CSMD1: variants seen among roughly 807,000 people sequenced by gnomAD.
CSMD1 encodes the protein CUB and Sushi multiple domains 1.
Under a neutral mutation model 417.5 loss-of-function variants are expected in CSMD1, and 213 were observed. The ratio of observed to expected loss-of-function variants is 0.51; its 90% CI spans 0.46 to 0.57. The LOEUF (loss-of-function observed/expected upper bound fraction) is 0.57, where lower values mean the gene tolerates loss of function less well. Among genes scored for constraint, CSMD1 ranks in the 20% least tolerant of loss-of-function variants. CSMD1 has a pLI of 0.00. For synonymous variants in CSMD1, 2,862 were observed against 1,736.8 expected, an observed-to-expected ratio of 1.65 and a Z score of -16.11; for missense variants, 6,923 against 4,529.7, an observed-to-expected ratio of 1.53 and a Z score of -15.17.
intron 2 of CSMD1, among the ~76,000 whole-genome samples, chr8:4,484,447 T>C (rs1192667063): frequency 1.3e-5 from 2 of 152,108 alleles, no homozygotes; most frequent in South Asian, 2.1e-4. Flanking sequence ...TTTCCTTCTT[T>C]ATTTCAGTCA....
intron 4 of CSMD1, among the ~76,000 whole-genome samples, chr8:4,026,499 A>C (rs1403670678): frequency 1.3e-5 from 2 of 152,186 alleles, no homozygotes; most frequent in Non-Finnish European, 2.9e-5. Flanking sequence ...TTAAGAAGAA[A>C]ACCACTGGAG....
At chr8:4,803,935 T>C (rs982282664) in intron 1 of CSMD1, among the ~76,000 whole-genome samples, 2 of 152,180 alleles carry the variant, frequency 1.3e-5, no homozygotes, top group African/African-American at 4.8e-5. Context: ...ATAAATACGA[T>C]GGGCATTCAT....
chr8:3,369,832 C>T (rs151270091), intron 18 of CSMD1, among the ~76,000 whole-genome samples: 7 of 152,312 alleles, frequency 4.6e-5, no homozygotes, highest in African/African-American at 1.7e-4. Flanking sequence ...AGGATGTCTG[C>T]AGAATATGGG....
In CSMD1 at chr8:3,916,024, G is replaced by A. The variant is rs368919694; in HGVS notation, c.818+81879C>T. ...ATGCAATTAGTTGGAAAATGTCACT[G>A]CAGACACAAGACAAATGGGTAACAT... is the stretch of plus-strand genomic sequence containing the variant. On this transcript the variant is annotated intron_variant, in intron 5 of 69. Transcript: ENST00000635120. 3.3e-5 allele frequency among the ~76,000 whole-genome samples: 5 copies of A among 151,550 alleles called. No individual in the cohort carries two copies. In the East Asian group the frequency reaches 5.9e-4, roughly 18 times the overall value.
chr8:3,187,805 ATGT>A lies in CSMD1; in HGVS notation c.5620+61_5620+63del, dbSNP rs961601971. On this transcript the variant is annotated intron_variant, in intron 36 of 69. Transcript: ENST00000635120. ...CTATGTGGAGTGTTTGCTGTTATTT[ATGT>A]TGTTTTCTTGGTGTTTGCAGATTTT... The A allele has an allele frequency of 1.7e-5, 20 of 1,182,192 alleles. No homozygotes were observed. In the African/African-American group the frequency reaches 2.9e-4, roughly 17 times the overall value. 73.2% of individuals were successfully genotyped at this position (1,182,192 alleles called of 1,614,324 possible).
chr8:3,794,418 C>A (rs1056942717), intron 5 of CSMD1, among the ~76,000 whole-genome samples: 1 of 152,038 alleles, frequency 6.6e-6, no homozygotes. Flanking sequence ...CAACCTGTAC[C>A]TTTGTTAAAT....
chr8:4,901,680 A>G (rs1405585855), intron 1 of CSMD1, among the ~76,000 whole-genome samples: 1 of 152,214 alleles, frequency 6.6e-6, no homozygotes, highest in Admixed American at 6.5e-5. Context: ...AAAAAATCCA[A>G]CTGGCAGTAT....
At chr8:4,757,987 G>GAAA (rs1811777037) in intron 1 of CSMD1, among the ~76,000 whole-genome samples, 1 of 139,936 alleles carries the variant, frequency 7.1e-6, no homozygotes, top group Admixed American at 7.1e-5. Flanking sequence ...AAAAGGAAAA[G>GAAA]AGAAGAAAGC....
At chr8:3,249,701 AAAT>A (rs1166750314) in intron 26 of CSMD1, among the ~76,000 whole-genome samples, 4 of 152,232 alleles carry the variant, frequency 2.6e-5, no homozygotes, top group African/African-American at 4.8e-5. Context: ...AGTGAAAAAG[AAAT>A]AATAGACATT....
At chr8:4,903,364 T>C (rs1005449590) in intron 1 of CSMD1, among the ~76,000 whole-genome samples, 1 of 152,218 alleles carries the variant, frequency 6.6e-6, no homozygotes, top group African/African-American at 2.4e-5. Flanking sequence ...TATACCCCTG[T>C]GGTTTTAATT....
At chr8:3,318,792 C>CCA (rs1330318192) in intron 23 of CSMD1, among the ~76,000 whole-genome samples, 1 of 152,012 alleles carries the variant, frequency 6.6e-6, no homozygotes, top group Admixed American at 6.6e-5. Flanking sequence ...ACAGGGCAGC[C>CCA]CACACACACA....
intron 3 of CSMD1, among the ~76,000 whole-genome samples, chr8:4,225,042 G>A (rs773977167): frequency 4.6e-5 from 7 of 152,150 alleles, no homozygotes; most frequent in Non-Finnish European, 1.0e-4. Context: ...AACCCTAGAG[G>A]CAGAGGTTGC....
intron 1 of CSMD1, among the ~76,000 whole-genome samples, chr8:4,756,226 C>G (rs1811659692): frequency 6.6e-6 from 1 of 152,138 alleles, no homozygotes; most frequent in Non-Finnish European, 1.5e-5. Context: ...TATAGGGCAT[C>G]ATGATGATGA....
At chr8:4,023,258 A>G (rs1186306932) in intron 4 of CSMD1, among the ~76,000 whole-genome samples, 13 of 152,194 alleles carry the variant, frequency 8.5e-5, no homozygotes, top group Admixed American at 8.5e-4. Context: ...CTGCGCATAA[A>G]AACATCTGAA....
chr8:4,377,696 A>T (rs988231019), intron 3 of CSMD1, among the ~76,000 whole-genome samples: 1 of 152,212 alleles, frequency 6.6e-6, no homozygotes, highest in Non-Finnish European at 1.5e-5. Context: ...TAAAAATTTC[A>T]TCTGTGGCAT....
At chr8:4,094,930 A>C (rs1488651111) in intron 3 of CSMD1, among the ~76,000 whole-genome samples, 1 of 152,190 alleles carries the variant, frequency 6.6e-6, no homozygotes, top group Non-Finnish European at 1.5e-5. Flanking sequence ...AAGTCATTGA[A>C]GGTTTTGAAC....
intron 3 of CSMD1, among the ~76,000 whole-genome samples, chr8:4,295,615 TTATA>T (rs933713572): frequency 2.1e-5 from 3 of 144,866 alleles, no homozygotes; most frequent in African/African-American, 7.5e-5. Flanking sequence ...AATCCTAAGA[TTATA>T]TATATATAAA....
At chr8:3,788,780 G>C (rs975697678) in intron 5 of CSMD1, among the ~76,000 whole-genome samples, 2 of 152,274 alleles carry the variant, frequency 1.3e-5, no homozygotes, top group African/African-American at 2.4e-5. Context: ...GTGCATAAGA[G>C]AGTGCAAAAT....
intron 26 of CSMD1, among the ~76,000 whole-genome samples, chr8:3,278,192 C>G (rs2216777): frequency 0.28 from 41,919 of 151,932 alleles, 6,013 homozygotes; most frequent in African/African-American, 0.34. Flanking sequence ...AAAGAGTTTC[C>G]AGAAGAGAGA....
Sources: allele counts gnomAD v4.1 joint callset (sites outside exome capture counted in the v4.1 genomes callset), GRCh38; gene constraint gnomAD v4.1.1; transcripts MANE v1.5; gene names NCBI Gene and HGNC (gene_info 2026-07-23, HGNC 2026-07-21).